DACH1: variants seen among roughly 807,000 people sequenced by gnomAD.
DACH1 encodes the protein dachshund family transcription factor 1.
Under a neutral mutation model 54.2 loss-of-function variants are expected in DACH1, and 12 were observed. That is an observed-to-expected ratio of 0.22 (90% CI 0.14 to 0.36). The LOEUF (loss-of-function observed/expected upper bound fraction) is 0.36, where lower values mean the gene tolerates loss of function less well. DACH1 is among the 10% of genes least tolerant of loss of function. DACH1 has a pLI of 1.00. For missense variants in DACH1, 805 were observed against 929.8 expected (o/e 0.87, Z 1.75); for synonymous variants, 386 against 366.2 (o/e 1.05, Z -0.62).
chr13:71,554,466 T>G (rs1884109096), intron 6 of DACH1, among the ~76,000 whole-genome samples: 1 of 152,136 alleles, frequency 6.6e-6, no homozygotes, highest in African/African-American at 2.4e-5. Context: ...TATAAAACCT[T>G]GATGTAAGTA....
chr13:71,655,280 A>C (rs1879013732), intron 2 of DACH1, among the ~76,000 whole-genome samples: 1 of 152,008 alleles, frequency 6.6e-6, no homozygotes, highest in Non-Finnish European at 1.5e-5. Context: ...ATTTTCTCCC[A>C]ATCACTTGAA....
At chr13:71,833,040 G>C (rs1888654693) in intron 1 of DACH1, among the ~76,000 whole-genome samples, 1 of 151,854 alleles carries the variant, frequency 6.6e-6, no homozygotes, top group African/African-American at 2.4e-5. Flanking sequence ...CAGGGAAGTT[G>C]CGCTCCCTTC....
At chr13:71,816,992 G>C (rs1166842574) in intron 1 of DACH1, among the ~76,000 whole-genome samples, 1 of 151,974 alleles carries the variant, frequency 6.6e-6, no homozygotes, top group Non-Finnish European at 1.5e-5. Context: ...GAAATAACCT[G>C]TACAACAAAC....
intron 2 of DACH1, among the ~76,000 whole-genome samples, chr13:71,650,329 C>T (rs958892678): frequency 6.6e-6 from 1 of 152,156 alleles, no homozygotes; most frequent in Non-Finnish European, 1.5e-5. Flanking sequence ...TAATCCAGTA[C>T]ATAAGCAGTA....
chr13:71,817,814 C>CTTTTTT lies in DACH1; in HGVS notation c.848+48102_848+48107dup, dbSNP rs34031888. Among the ~76,000 whole-genome samples, 24 of 119,058 alleles carry CTTTTTT rather than the reference C, an allele frequency of 2.0e-4. 1 individual carries two copies. The highest frequency in any genetic ancestry group is 6.8e-4 in the African/African-American group (21 of 30,932). The allele number at this position is 119,058 out of a possible 152,430, so 78.1% of individuals were successfully genotyped here. ...ATTTTCTTTCTTTCTTTCTTTCTTC[C>CTTTTTT]TTTTTTTTTTTTTTTTTTGAGACAG... On this transcript the variant is annotated intron_variant, in intron 1 of 10. Transcript: ENST00000613252.
intron 3 of DACH1, among the ~76,000 whole-genome samples, chr13:71,603,077 T>G (rs1025868507): frequency 6.6e-6 from 1 of 152,012 alleles, no homozygotes; most frequent in South Asian, 2.1e-4. Context: ...TTAAGATCAG[T>G]TTCTCTGTTT....
At chr13:71,567,728 G>C (rs1884975605) in intron 4 of DACH1, among the ~76,000 whole-genome samples, 1 of 151,994 alleles carries the variant, frequency 6.6e-6, no homozygotes, top group Admixed American at 6.6e-5. Context: ...TGGTCACACT[G>C]GTTGGAGGTG....
chr13:71,786,214 T>C (rs1267589317), intron 1 of DACH1, among the ~76,000 whole-genome samples: 1 of 152,190 alleles, frequency 6.6e-6, no homozygotes, highest in African/African-American at 2.4e-5. Context: ...TTTTTAAAAA[T>C]ACAATTAGCT....
intron 1 of DACH1, among the ~76,000 whole-genome samples, chr13:71,738,143 C>A (rs1884220404): frequency 6.6e-6 from 1 of 152,142 alleles, no homozygotes; most frequent in South Asian, 2.1e-4. Flanking sequence ...TTCTTGCATA[C>A]TTGCAGGGTT....
intron 1 of DACH1, among the ~76,000 whole-genome samples, chr13:71,794,119 G>A (rs1440185439): frequency 6.6e-6 from 1 of 152,040 alleles, no homozygotes; most frequent in African/African-American, 2.4e-5. Context: ...GAGAATCAGT[G>A]GCACAGTCTA....
chr13:71,459,786 A>G (rs1734045504), intron 10 of DACH1, among the ~76,000 whole-genome samples: 1 of 152,042 alleles, frequency 6.6e-6, no homozygotes, highest in South Asian at 2.1e-4. Flanking sequence ...CTAAAGTATC[A>G]TTAGTCACCT....
At chr13:71,661,455 A>G (rs920303090) in intron 2 of DACH1, among the ~76,000 whole-genome samples, 2 of 152,014 alleles carry the variant, frequency 1.3e-5, no homozygotes, top group Admixed American at 1.3e-4. Context: ...AAGACTATCA[A>G]TATAGATGAC....
At chr13:71,452,907 C>T (rs568646094) in intron 10 of DACH1, among the ~76,000 whole-genome samples, 1 of 152,282 alleles carries the variant, frequency 6.6e-6, no homozygotes, top group African/African-American at 2.4e-5. Flanking sequence ...ATTAAGTTAT[C>T]TTTTAAAAGC....
chr13:71,510,576 G>A lies in DACH1; in HGVS notation c.1571-21428C>T, dbSNP rs184334622. Among the ~76,000 whole-genome samples the A allele has an allele frequency of 4.6e-5, 7 of 152,030 alleles. No homozygotes were observed. In the East Asian group the frequency reaches 1.2e-3, roughly 25 times the overall value. On this transcript the variant is annotated intron_variant, in intron 6 of 10. Coordinates refer to ENST00000613252, the MANE Select transcript of DACH1 (RefSeq NM_080759.6). ...AAGACATAGATTTATCCAAATTTGT[G>A]TGCAACTATGAGAAACATTGAACAT...
chr13:71,631,589 A>C (rs1877105580), intron 2 of DACH1, among the ~76,000 whole-genome samples: 1 of 152,220 alleles, frequency 6.6e-6, no homozygotes, highest in Non-Finnish European at 1.5e-5. Context: ...GTGCTGATTT[A>C]AGTGACATAA....
At chr13:71,550,500 C>G (rs748684820) in intron 6 of DACH1, among the ~76,000 whole-genome samples, 9 of 152,088 alleles carry the variant, frequency 5.9e-5, no homozygotes, top group Non-Finnish European at 1.2e-4. Flanking sequence ...ACGTGATGGT[C>G]ATCAAGGCGC....
At position 71,604,602 on chromosome 13, in the gene DACH1, G is replaced by A. The variant is rs184223735; in HGVS notation, c.1126+25954C>T. On this transcript the variant is annotated intron_variant, in intron 3 of 10. Coordinates refer to ENST00000613252, the MANE Select transcript of DACH1 (RefSeq NM_080759.6). ...CTTTTTAGGAATTAAAACTAATGAA[G>A]GTGACATAACTGAAACAAAAATATA... is the stretch of plus-strand genomic sequence containing the variant. Among the ~76,000 whole-genome samples the A allele has an allele frequency of 1.6e-4, 25 of 151,922 alleles. No individual in the cohort carries two copies. The East Asian group carries it at 4.6e-3, about 28-fold the overall frequency.
intron 8 of DACH1, among the ~76,000 whole-genome samples, chr13:71,476,285 C>T (rs1225050880): frequency 3.3e-5 from 5 of 152,116 alleles, no homozygotes; most frequent in Non-Finnish European, 7.4e-5. Flanking sequence ...CAATTTTGAC[C>T]AGCAAATGGA....
intron 1 of DACH1, among the ~76,000 whole-genome samples, chr13:71,802,931 T>C (rs1196379259): frequency 6.6e-6 from 1 of 152,158 alleles, no homozygotes; most frequent in Non-Finnish European, 1.5e-5. Context: ...TGTGTAGGTT[T>C]AAGCAAACAG....
Sources: gnomAD v4.1 joint callset for allele counts (sites outside exome capture counted in the v4.1 genomes callset) on GRCh38, gnomAD v4.1.1 for gene constraint, MANE v1.5 for transcripts, NCBI Gene and HGNC (gene_info 2026-07-23, HGNC 2026-07-21) for gene names.